The following NBEA variants were observed in gnomAD, a reference collection of about 807,000 sequenced individuals.
NBEA encodes neurobeachin.
NBEA carries 44 observed loss-of-function variants against 343.4 expected under a neutral mutation model. The observed-to-expected ratio is 0.13, with a 90% CI of 0.10 to 0.16. The LOEUF is 0.16. Ranked by LOEUF, NBEA falls within the 10% of genes least tolerant of loss-of-function variation. The pLI is 1.00. For synonymous variants in NBEA, 1,175 were observed against 1,238.7 expected (o/e 0.95, Z 1.08); for missense variants, 2,555 against 3,631.3 (o/e 0.70, Z 7.62).
chr13:35,161,719 T>G (rs1318419247), intron 22 of NBEA, 31 bp from the exon 23 acceptor site: 1 of 1,534,700 alleles, frequency 6.5e-7, no homozygotes, highest in African/African-American at 1.4e-5. Flanking sequence ...TTCTTTTGTA[T>G]TCCACAAAAG....
chr13:35,232,407 T>C, intron 33 of NBEA, 85 bp from the exon 34 acceptor site: 2 of 939,048 alleles, frequency 2.1e-6, no homozygotes, highest in Non-Finnish European at 1.6e-6. Flanking sequence ...TTTATGATTT[T>C]TAAATATTTT....
At chr13:34,988,139 A>G (rs953323061) in intron 1 of NBEA, among the ~76,000 whole-genome samples, 2 of 150,702 alleles carry the variant, frequency 1.3e-5, no homozygotes, top group African/African-American at 4.8e-5. Flanking sequence ...AACAGCAAAT[A>G]TTGCTGCCTA....
chr13:35,371,305 A>G (rs1223252825), intron 38 of NBEA, among the ~76,000 whole-genome samples: 2 of 151,926 alleles, frequency 1.3e-5, no homozygotes, highest in Admixed American at 6.6e-5. Context: ...TGTTTATTAT[A>G]TTCTTTTTTC....
intron 13 of NBEA, among the ~76,000 whole-genome samples, chr13:35,114,671 CTCTAGCTACA>C (rs1280465841): frequency 1.3e-5 from 2 of 152,100 alleles, no homozygotes; most frequent in East Asian, 3.9e-4. Flanking sequence ...GCCTCACTGG[CTCTAGCTACA>C]TCAAAGAGAA....
At chr13:34,959,435 C>T (rs2059592687) in intron 1 of NBEA, among the ~76,000 whole-genome samples, 1 of 152,006 alleles carries the variant, frequency 6.6e-6, no homozygotes. Context: ...AATGTAATTC[C>T]ATTTCCTTGG....
At chr13:35,385,240 A>C (rs1055549699) in intron 38 of NBEA, among the ~76,000 whole-genome samples, 12 of 152,082 alleles carry the variant, frequency 7.9e-5, no homozygotes, top group African/African-American at 2.9e-4. Context: ...TGATTATTCT[A>C]TGAGGTAAAG....
chr13:35,401,181 C>T (rs2042988044), intron 38 of NBEA, among the ~76,000 whole-genome samples: 2 of 151,894 alleles, frequency 1.3e-5, no homozygotes, highest in African/African-American at 4.8e-5. Flanking sequence ...GTTACTAGAG[C>T]ATGGTAGTTC....
chr13:34,955,500 G>A (rs2059462820), intron 1 of NBEA, among the ~76,000 whole-genome samples: 1 of 152,016 alleles, frequency 6.6e-6, no homozygotes, highest in Non-Finnish European at 1.5e-5. Context: ...AGGCTTCATG[G>A]GTAGACGTCT....
Position 35,667,361 on chromosome 13 carries a change from C to A in NBEA, c.8465-13C>A, listed in dbSNP as rs1476239978. The A allele has an allele frequency of 6.2e-7, 1 of 1,610,750 alleles. No homozygotes were observed. The highest frequency in any genetic ancestry group is 8.5e-7 in the Non-Finnish European group (1 of 1,177,896). On this transcript the variant is annotated splice_polypyrimidine_tract_variant and intron_variant, in intron 56 of 58. Coordinates refer to ENST00000379939, the MANE Select transcript of NBEA (RefSeq NM_001385012.1). ...CCCCAACTGACCCTGGCATTGATGT[C>A]CCCACTTTGCAGAGGGCCCTTGCCT...
intron 41 of NBEA, among the ~76,000 whole-genome samples, chr13:35,479,404 T>A (rs1477962290): frequency 6.6e-6 from 1 of 152,192 alleles, no homozygotes; most frequent in Non-Finnish European, 1.5e-5. Flanking sequence ...AGCTGAATCC[T>A]TTCAGTGATC....
At chr13:35,079,461 A>G (rs1040244337) in intron 10 of NBEA, among the ~76,000 whole-genome samples, 4 of 152,184 alleles carry the variant, frequency 2.6e-5, no homozygotes, top group Admixed American at 1.3e-4. Flanking sequence ...AGAAACTCAC[A>G]TATTCATTCA....
chr13:35,440,341 A>G (rs999204930), intron 39 of NBEA, among the ~76,000 whole-genome samples: 7 of 152,234 alleles, frequency 4.6e-5, no homozygotes, highest in African/African-American at 7.2e-5. Context: ...ATCATTGTTC[A>G]GAATCTTGCT....
At chr13:35,548,849 A>C (rs900458737) in intron 41 of NBEA, among the ~76,000 whole-genome samples, 2 of 152,326 alleles carry the variant, frequency 1.3e-5, no homozygotes, top group Non-Finnish European at 2.9e-5. Flanking sequence ...TGTGAAATGT[A>C]CAAGAAGAAG....
At chr13:35,478,424 C>T (rs1333653690) in intron 41 of NBEA, among the ~76,000 whole-genome samples, 2 of 152,140 alleles carry the variant, frequency 1.3e-5, no homozygotes, top group African/African-American at 4.8e-5. Context: ...AGCCGGAGAA[C>T]CTGCAGCCAC....
intron 38 of NBEA, among the ~76,000 whole-genome samples, chr13:35,407,096 A>G (rs533784048): frequency 5.7e-4 from 86 of 150,592 alleles, no homozygotes; most frequent in African/African-American, 2.1e-3. Context: ...GGTGGCTGGG[A>G]GTACAGGCAC....
At chr13:35,153,382 A>G (rs534172143) in intron 18 of NBEA, among the ~76,000 whole-genome samples, 25 of 152,222 alleles carry the variant, frequency 1.6e-4, no homozygotes, top group Middle Eastern at 6.8e-3. Flanking sequence ...TTATTGGGGC[A>G]TGCATTTATG....
intron 17 of NBEA, among the ~76,000 whole-genome samples, chr13:35,131,908 C>T (rs746396984): frequency 6.6e-6 from 1 of 152,146 alleles, no homozygotes; most frequent in Non-Finnish European, 1.5e-5. Flanking sequence ...AAGAACGTAA[C>T]TAATCCCTGA....
chr13:35,426,083 G>T (rs1269343824), intron 38 of NBEA, among the ~76,000 whole-genome samples: 2 of 152,082 alleles, frequency 1.3e-5, no homozygotes, highest in Non-Finnish European at 2.9e-5. Flanking sequence ...CACACTGATG[G>T]GTCTTGACTC....
intron 33 of NBEA, among the ~76,000 whole-genome samples, chr13:35,230,302 T>G (rs1464509918): frequency 1.3e-5 from 2 of 152,108 alleles, no homozygotes; most frequent in Non-Finnish European, 2.9e-5. Context: ...TTTTTGTAAT[T>G]CTGAAGCCTC....
Sources: allele counts gnomAD v4.1 joint callset (sites outside exome capture counted in the v4.1 genomes callset), GRCh38; gene constraint gnomAD v4.1.1; transcripts MANE v1.5; gene names NCBI Gene and HGNC (gene_info 2026-07-23, HGNC 2026-07-21).